Variants in ALDH7A1 observed in about 807,000 individuals in gnomAD.
The protein encoded by ALDH7A1 is aldehyde dehydrogenase 7 family member A1.
A neutral mutation model predicts 79.9 loss-of-function variants in ALDH7A1; 63 were observed. The observed-to-expected ratio is 0.79, with a 90% CI of 0.64 to 0.97. ALDH7A1 has a LOEUF of 0.97. Among genes scored for constraint, ALDH7A1 ranks in the 50% least tolerant of loss-of-function variants. The pLI is 0.00. For missense variants in ALDH7A1, 627 were observed against 665.2 expected (o/e 0.94, Z 0.63); for synonymous variants, 240 against 231.2 (o/e 1.04, Z -0.34).
chr5:126,548,423 CT>C (rs576390384), intron 16 of ALDH7A1, among the ~76,000 whole-genome samples: 87 of 140,988 alleles, frequency 6.2e-4, no homozygotes, highest in South Asian at 6.8e-4. Context: ...CAGCCCAAAA[CT>C]TTTTTTTTTT....
intron 8 of ALDH7A1, chr5:126,569,179 A>C (rs1750694399): frequency 6.6e-6 from 1 of 152,208 alleles, no homozygotes; most frequent in South Asian, 2.1e-4. Context: ...CTGTGCATGC[A>C]AGGGATCTAG....
rs1290510821 is a variant in ALDH7A1 at position 126,592,234 on chromosome 5, G to A, written c.312+430C>T. ...CATGAGCCACCAGGTGCGATCTGCT[G>A]TTGTTCTTTAAACCAGGAATGCTGA... On this transcript the variant is annotated intron_variant, in intron 3 of 17. Coordinates refer to ENST00000409134, the MANE Select transcript of ALDH7A1 (RefSeq NM_001182.5). The A allele has an allele frequency of 2.6e-5, 5 of 194,966 alleles. No individual in the cohort carries two copies. The South Asian group carries it at 4.8e-4, about 19-fold the overall frequency. 12.1% of individuals were successfully genotyped at this position (194,966 alleles called of 1,614,324 possible). A position where few individuals can be genotyped will look rare whatever the true frequency, so the allele number is the denominator to read the frequency against.
At chr5:126,569,837 T>A (rs1750715828) in intron 8 of ALDH7A1, 1 of 152,226 alleles carries the variant, frequency 6.6e-6, no homozygotes, top group Non-Finnish European at 1.5e-5. Context: ...TTTTTGAGAT[T>A]GCCCAGTAAG....
intron 8 of ALDH7A1, chr5:126,568,712 A>G: frequency 3.2e-6 from 1 of 310,620 alleles, no homozygotes; most frequent in Non-Finnish European, 6.3e-6. Context: ...TAATTCCTTT[A>G]AGGATTAAAA....
chr5:126,583,283 C>T (rs1008663396), intron 4 of ALDH7A1, among the ~76,000 whole-genome samples: 1 of 151,788 alleles, frequency 6.6e-6, no homozygotes, highest in East Asian at 1.9e-4. Flanking sequence ...GAGTTCAAGA[C>T]CAGCCTGGCC....
At chr5:126,589,683 C>T (rs1027739242) in intron 3 of ALDH7A1, among the ~76,000 whole-genome samples, 4 of 151,850 alleles carry the variant, frequency 2.6e-5, no homozygotes, top group Non-Finnish European at 2.9e-5. Context: ...GCCCAGCCAC[C>T]GCCCCATCTG....
rs760906798 is a variant in ALDH7A1 at position 126,561,072 on chromosome 5, G to A, written c.913+11C>T. 3.7e-6 allele frequency: 6 copies of A among 1,613,104 alleles called. No individual in the cohort carries two copies. Among genetic ancestry groups the A allele is most frequent in the Non-Finnish European group, 5.1e-6 (6 of 1,179,596 alleles). The stretch of plus-strand genomic sequence containing the variant: ...AACAGAAAACAAACAAAAACAAAGA[G>A]GCAGCCTTACCAATAATGGCATTGT... On this transcript the variant is annotated intron_variant, in intron 10 of 17. Transcript: ENST00000409134.
In ALDH7A1 at chr5:126,587,936, C is replaced by G. The variant is rs1751409729; in HGVS notation, c.313-3924G>C. 2 of 152,098 alleles carry G rather than the reference C, an allele frequency of 1.3e-5. 1 individual carries two copies. Among genetic ancestry groups the G allele is most frequent in the African/African-American group, 4.8e-5 (2 of 41,396 alleles). The allele number at this position is 152,098 out of a possible 1,614,324, so 9.4% of individuals were successfully genotyped here. A position where few individuals can be genotyped will look rare whatever the true frequency, so the allele number is the denominator to read the frequency against. On this transcript the variant is annotated intron_variant, in intron 3 of 17. Transcript: ENST00000409134. ...AACTCAAAATCAAACAAGTAGGATC[C>G]CCAGCTGACTCTACTATTACCCAGG...
At chr5:126,555,248 CCAGG>C (rs910463056) in intron 12 of ALDH7A1, 10 of 153,188 alleles carry the variant, frequency 6.5e-5, no homozygotes, top group African/African-American at 2.4e-4. Context: ...TTTGGGAGGC[CCAGG>C]CAGGCAGACT....
intron 13 of ALDH7A1, among the ~76,000 whole-genome samples, 192 bp from the exon 14 acceptor site, chr5:126,552,329 G>A (rs1447215555): frequency 6.6e-6 from 1 of 152,092 alleles, no homozygotes; most frequent in African/African-American, 2.4e-5. Context: ...AACTTAGTTG[G>A]TCAGAGAAAA....
chr5:126,574,539 C>T (rs1750899741), intron 7 of ALDH7A1, among the ~76,000 whole-genome samples: 1 of 151,406 alleles, frequency 6.6e-6, no homozygotes, highest in South Asian at 2.1e-4. Context: ...ACTAAAAACA[C>T]AAAAAATTAG....
chr5:126,551,615 G>T (rs1014424012), intron 14 of ALDH7A1, among the ~76,000 whole-genome samples: 1 of 152,112 alleles, frequency 6.6e-6, no homozygotes, highest in Non-Finnish European at 1.5e-5. Context: ...GAGCCACCGT[G>T]CCTGGCCAAC....
chr5:126,589,577 G>A (rs914412423), intron 3 of ALDH7A1, among the ~76,000 whole-genome samples: 15 of 152,008 alleles, frequency 9.9e-5, no homozygotes, highest in African/African-American at 2.9e-4. Context: ...TCAGGAGTTC[G>A]AGACCAACCT....
At position 126,555,977 on chromosome 5, in the gene ALDH7A1, T is replaced by C. The variant is rs1750181426; in HGVS notation, c.1047A>G (p.Arg349=). Residue 349 remains arginine, a synonymous_variant, in exon 12 of 18, where the codon AGA becomes AGG. Transcript: ENST00000409134. ...HESIHDEVVN[R]LKKAYAQIRV... is the part of the protein sequence containing the mutation. ...GGATCTGTGCATAGGCCTTTTTAAG[T>C]CTGTTTACAACCTCATCATGGATGC... 1.2e-6 allele frequency: 2 copies of C among 1,613,680 alleles called. No homozygotes were observed. Among genetic ancestry groups the C allele is most frequent in the Non-Finnish European group, 1.7e-6 (2 of 1,179,748 alleles).
chr5:126,590,334 C>T (rs1480650056), intron 3 of ALDH7A1, among the ~76,000 whole-genome samples: 1 of 152,214 alleles, frequency 6.6e-6, no homozygotes, highest in African/African-American at 2.4e-5. Flanking sequence ...CTGTCTTCTC[C>T]AAGTTTGCAT....
At chr5:126,554,442 T>C (rs374438929) in intron 12 of ALDH7A1, 49 bp from the exon 13 acceptor site, 30 of 1,461,850 alleles carry the variant, frequency 2.1e-5, no homozygotes, top group Non-Finnish European at 2.8e-5. Context: ...CTTTATGGCA[T>C]CGTTTTATTA....
At chr5:126,552,991 C>T (rs1274648189) in intron 13 of ALDH7A1, among the ~76,000 whole-genome samples, 1 of 152,178 alleles carries the variant, frequency 6.6e-6, no homozygotes, top group Non-Finnish European at 1.5e-5. Context: ...ATCCTCCCAC[C>T]ACAGCCTCCC....
chr5:126,547,335 G>A (rs376941955), intron 16 of ALDH7A1, among the ~76,000 whole-genome samples: 1 of 152,338 alleles, frequency 6.6e-6, no homozygotes, highest in East Asian at 1.9e-4. Context: ...TAGGGAGAGA[G>A]CGAATAAAAG....
intron 5 of ALDH7A1, among the ~76,000 whole-genome samples, chr5:126,582,574 C>A (rs1362763260): frequency 6.6e-6 from 1 of 152,130 alleles, no homozygotes; most frequent in Non-Finnish European, 1.5e-5. Flanking sequence ...AAAGTTAGAG[C>A]TCTTTGGGTA....
Sources: allele counts gnomAD v4.1 joint callset (sites outside exome capture counted in the v4.1 genomes callset), GRCh38; gene constraint gnomAD v4.1.1; transcripts MANE v1.5; gene names NCBI Gene and HGNC (gene_info 2026-07-23, HGNC 2026-07-21).